Variants in USP47 observed in about 807,000 individuals in gnomAD.
The protein encoded by USP47 is ubiquitin carboxyl-terminal hydrolase 47.
USP47 carries 35 observed loss-of-function variants against 165.1 expected under a neutral mutation model. That is an observed-to-expected ratio of 0.21 (90% confidence interval 0.16 to 0.28). USP47 has a LOEUF of 0.28. USP47 is among the 10% of genes least tolerant of loss of function. USP47 has a pLI of 1.00. For missense variants in USP47, 1,277 were observed against 1,607.4 expected (o/e 0.79, Z 3.52); for synonymous variants, 531 against 544.5 (o/e 0.98, Z 0.35).
At chr11:11,925,899 T>C (rs1328644276) in intron 11 of USP47, among the ~76,000 whole-genome samples, 1 of 152,156 alleles carries the variant, frequency 6.6e-6, no homozygotes, top group Non-Finnish European at 1.5e-5. Flanking sequence ...GCTTTCATTA[T>C]GTTGAGGTAA....
At chr11:11,887,439 A>G (rs1851233693) in intron 3 of USP47, among the ~76,000 whole-genome samples, 1 of 152,204 alleles carries the variant, frequency 6.6e-6, no homozygotes, top group Non-Finnish European at 1.5e-5. Context: ...CTAGTTTCTG[A>G]CAAAACAGAG....
At chr11:11,903,377 C>A (rs1246632122) in intron 7 of USP47, 35 bp downstream of exon 7, 3 of 1,567,736 alleles carry the variant, frequency 1.9e-6, no homozygotes, top group East Asian at 2.2e-5. Flanking sequence ...GGGACTGTTT[C>A]CTAATAAATC....
intron 1 of USP47, among the ~76,000 whole-genome samples, chr11:11,862,452 T>G (rs1399572957): frequency 5.9e-5 from 9 of 152,142 alleles, no homozygotes; most frequent in Non-Finnish European, 1.3e-4. Flanking sequence ...TGTTGTGTCT[T>G]TATGATTTTC....
At chr11:11,852,822 C>T (rs1353671914) in intron 1 of USP47, among the ~76,000 whole-genome samples, 2 of 152,134 alleles carry the variant, frequency 1.3e-5, no homozygotes, top group Admixed American at 1.3e-4. Flanking sequence ...TCTCATGCCC[C>T]AAGCCAGTTT....
At chr11:11,925,752 C>T (rs948752571) in intron 11 of USP47, among the ~76,000 whole-genome samples, 1 of 151,792 alleles carries the variant, frequency 6.6e-6, no homozygotes, top group Admixed American at 6.6e-5. Context: ...TGCCTGATTG[C>T]TGTGGCTAGG....
At chr11:11,845,001 C>T (rs940900333) in intron 1 of USP47, among the ~76,000 whole-genome samples, 2 of 152,072 alleles carry the variant, frequency 1.3e-5, no homozygotes, top group African/African-American at 4.8e-5. Context: ...ATGAGTTTTA[C>T]ATTTTCGAAT....
chr11:11,845,036 AT>A (rs1196832502), intron 1 of USP47, among the ~76,000 whole-genome samples: 20 of 152,330 alleles, frequency 1.3e-4, no homozygotes, highest in African/African-American at 4.8e-4. Context: ...AGTCAAAAGA[AT>A]TATAATAGTC....
Position 11,920,228 on chromosome 11 carries a change from A to G in USP47, c.1042A>G (p.Lys348Glu). 6.2e-7 allele frequency: 1 copy of G among 1,609,558 alleles called. No individual in the cohort carries two copies. Among genetic ancestry groups the G allele is most frequent in the Non-Finnish European group, 8.5e-7 (1 of 1,177,588 alleles). The part of the protein sequence containing the change: ...GPNQYFCERC[K>E]KKCDARKGLR... ...AAATCAGTATTTTTGTGAACGTTGT[A>G]AGAAGAAGTGTGATGCACGGAAGGT... The change falls in exon 9 of 28, where the codon AAG becomes GAG. Residue 348 changes from lysine (K) to glutamate (E), a missense_variant. Transcript: ENST00000527733.
At chr11:11,872,861 T>A (rs1198297172) in intron 1 of USP47, among the ~76,000 whole-genome samples, 1 of 152,230 alleles carries the variant, frequency 6.6e-6, no homozygotes, top group Non-Finnish European at 1.5e-5. Context: ...GGGGCTTAAA[T>A]GCCCATTAAT....
At chr11:11,891,936 T>C in intron 3 of USP47, 32 bp from the exon 4 acceptor site, 1 of 1,597,166 alleles carries the variant, frequency 6.3e-7, no homozygotes, top group South Asian at 1.1e-5. Flanking sequence ...ACATTTGCTA[T>C]TTACTAACTA....
At chr11:11,874,767 C>T (rs1850282840) in intron 1 of USP47, among the ~76,000 whole-genome samples, 1 of 152,128 alleles carries the variant, frequency 6.6e-6, no homozygotes, top group South Asian at 2.1e-4. Flanking sequence ...CCATGTTGGC[C>T]AGGCTGATCT....
At chr11:11,955,233 A>G in intron 27 of USP47, 69 bp downstream of exon 27, 1 of 1,543,152 alleles carries the variant, frequency 6.5e-7, no homozygotes, top group South Asian at 1.3e-5. Context: ...CTTATTTTCC[A>G]TAAATATCTT....
intron 6 of USP47, 49 bp downstream of exon 6, chr11:11,902,909 T>C: frequency 6.8e-7 from 1 of 1,468,012 alleles, no homozygotes; most frequent in Non-Finnish European, 9.0e-7. Flanking sequence ...AAACAAATTC[T>C]AGAAGACAAT....
intron 19 of USP47, among the ~76,000 whole-genome samples, chr11:11,941,815 T>G (rs1855494046): frequency 6.6e-6 from 1 of 152,122 alleles, no homozygotes; most frequent in African/African-American, 2.4e-5. Context: ...GAAAATTTTT[T>G]TCTGTAAATT....
Position 11,884,450 on chromosome 11 carries a change from ATGTTT to A in USP47, c.244-15_244-11del, listed in dbSNP as rs540978969. 1.7e-5 allele frequency: 26 copies of A among 1,528,572 alleles called. No homozygotes were observed. The highest frequency in any genetic ancestry group is 2.2e-5 in the Non-Finnish European group (25 of 1,132,830). The allele number at this position is 1,528,572 out of a possible 1,614,324, so 94.7% of individuals were successfully genotyped here. A position where few individuals can be genotyped will look rare whatever the true frequency, so the allele number is the denominator to read the frequency against. ...TATGTTTCTCATAATCTGAAACATT[ATGTTT>A]TATGTCCATAGGCACCACTGGATCA... On this transcript the variant is annotated splice_polypyrimidine_tract_variant and intron_variant, in intron 2 of 27. Transcript: ENST00000527733.
chr11:11,891,261 T>G (rs1851493802), intron 3 of USP47, among the ~76,000 whole-genome samples: 1 of 152,234 alleles, frequency 6.6e-6, no homozygotes, highest in Non-Finnish European at 1.5e-5. Context: ...TCCTTCTGTT[T>G]AATGACGCTT....
At chr11:11,880,449 T>C in intron 2 of USP47, 69 bp downstream of exon 2, 1 of 1,158,278 alleles carries the variant, frequency 8.6e-7, no homozygotes, top group Non-Finnish European at 1.1e-6. Context: ...CTGATGATAA[T>C]GTTAAATCCT....
intron 1 of USP47, among the ~76,000 whole-genome samples, chr11:11,862,942 T>C (rs1849468403): frequency 6.6e-6 from 1 of 152,178 alleles, no homozygotes; most frequent in Admixed American, 6.5e-5. Flanking sequence ...CAACATACAT[T>C]GTACCCTTTA....
intron 17 of USP47, among the ~76,000 whole-genome samples, chr11:11,936,777 G>C (rs781476705): frequency 6.6e-6 from 1 of 151,794 alleles, no homozygotes; most frequent in African/African-American, 2.4e-5. Flanking sequence ...CTTCTCCAGT[G>C]GGCGGTACTG....
Sources: gnomAD v4.1 joint callset for allele counts (sites outside exome capture counted in the v4.1 genomes callset) on GRCh38, gnomAD v4.1.1 for gene constraint, MANE v1.5 for transcripts, NCBI Gene and HGNC (gene_info 2026-07-23, HGNC 2026-07-21) for gene names.